Variants in DCBLD1 observed in about 807,000 individuals in gnomAD.
The protein encoded by DCBLD1 is discoidin, CUB and LCCL domain-containing protein 1.
DCBLD1 carries 57 observed loss-of-function variants against 71.5 expected under a neutral mutation model. The observed-to-expected ratio is 0.80, with a 90% CI of 0.64 to 0.99. The LOEUF is 0.99. Ranked by LOEUF, DCBLD1 falls within the 50% of genes least tolerant of loss-of-function variation. DCBLD1 has a pLI of 0.00. For missense variants in DCBLD1, 891 were observed against 923.5 expected (o/e 0.96, Z 0.46); for synonymous variants, 380 against 363.8 (o/e 1.04, Z -0.51).
chr6:117,493,101 C>G (rs1777349383), intron 1 of DCBLD1, among the ~76,000 whole-genome samples: 2 of 151,990 alleles, frequency 1.3e-5, no homozygotes, highest in African/African-American at 4.8e-5. Context: ...AAAATTAAAC[C>G]ATACAAAATT....
chr6:117,559,672 A>G (rs1027353047), intron 14 of DCBLD1, among the ~76,000 whole-genome samples: 4 of 152,198 alleles, frequency 2.6e-5, no homozygotes, highest in Admixed American at 2.0e-4. Flanking sequence ...AATATTCAGC[A>G]CCAACAGTGC....
At chr6:117,501,990 C>T (rs922597816) in intron 1 of DCBLD1, among the ~76,000 whole-genome samples, 3 of 152,124 alleles carry the variant, frequency 2.0e-5, no homozygotes, top group Non-Finnish European at 4.4e-5. Flanking sequence ...ATAGTTCCCC[C>T]AAACCTGAGT....
intron 7 of DCBLD1, among the ~76,000 whole-genome samples, chr6:117,537,690 T>A (rs1446280475): frequency 5.5e-5 from 7 of 127,238 alleles, no homozygotes; most frequent in South Asian, 2.6e-4. Context: ...TTTTTTTTTT[T>A]AAGGAGGCAG....
At chr6:117,513,922 C>T (rs1157140812) in intron 2 of DCBLD1, among the ~76,000 whole-genome samples, 1 of 151,982 alleles carries the variant, frequency 6.6e-6, no homozygotes, top group Non-Finnish European at 1.5e-5. Flanking sequence ...AGAGTACCAA[C>T]AGTGAAGTAT....
chr6:117,545,075 A>AGG (rs911831182), intron 13 of DCBLD1, among the ~76,000 whole-genome samples: 3 of 151,226 alleles, frequency 2.0e-5, no homozygotes, highest in African/African-American at 7.3e-5. Context: ...GTCCAGAGAG[A>AGG]GAGGGCAGTG....
intron 14 of DCBLD1, among the ~76,000 whole-genome samples, chr6:117,565,180 C>T (rs376826003): frequency 2.0e-5 from 3 of 152,112 alleles, no homozygotes; most frequent in East Asian, 1.9e-4. Flanking sequence ...CAAAAAAATT[C>T]TAGTTAGAAG....
chr6:117,541,781 C>T (rs1299016106), intron 11 of DCBLD1, among the ~76,000 whole-genome samples: 1 of 152,074 alleles, frequency 6.6e-6, no homozygotes, highest in Non-Finnish European at 1.5e-5. Context: ...AACTTTAAGA[C>T]AAAAATGGTA....
At chr6:117,527,936 G>A (rs541537751) in intron 5 of DCBLD1, among the ~76,000 whole-genome samples, 25 of 152,258 alleles carry the variant, frequency 1.6e-4, no homozygotes, top group Admixed American at 4.6e-4. Context: ...TGCCTCACCT[G>A]CCCCCAGAAC....
chr6:117,556,598 C>T (rs1453369564), intron 14 of DCBLD1, among the ~76,000 whole-genome samples: 1 of 152,212 alleles, frequency 6.6e-6, no homozygotes, highest in East Asian at 1.9e-4. Flanking sequence ...ATATTTACCA[C>T]ATTTTCTTTA....
At chr6:117,551,330 C>T (rs1055550114), downstream of DCBLD1, among the ~76,000 whole-genome samples, 7 of 151,964 alleles carry the variant, frequency 4.6e-5, no homozygotes, top group Non-Finnish European at 1.5e-5. Context: ...TAGAGCTTCT[C>T]ATCCTATCTT....
chr6:117,542,118 C>A (rs977626365), intron 11 of DCBLD1, among the ~76,000 whole-genome samples: 2 of 152,062 alleles, frequency 1.3e-5, no homozygotes, highest in Admixed American at 6.5e-5. Context: ...CATGGTGAAA[C>A]CCCGTCTCTA....
chr6:117,542,999 CAT>C (rs1372036906), intron 11 of DCBLD1, 123 bp from the exon 12 acceptor site: 1 of 782,544 alleles, frequency 1.3e-6, no homozygotes, highest in Non-Finnish European at 2.2e-6. Context: ...AAATGCCTAA[CAT>C]GTATTCATTT....
intron 1 of DCBLD1, among the ~76,000 whole-genome samples, chr6:117,502,713 C>T (rs1373140199): frequency 6.6e-6 from 1 of 152,006 alleles, no homozygotes; most frequent in Non-Finnish European, 1.5e-5. Flanking sequence ...CTGCTTCTCT[C>T]CCTCCAGCTG....
Position 117,532,284 on chromosome 6 carries a change from A to C in DCBLD1, c.610A>C (p.Ile204Leu). 6.2e-7 allele frequency: 1 copy of C among 1,612,248 alleles called. No homozygotes were observed. The highest frequency in any genetic ancestry group is 8.5e-7 in the Non-Finnish European group (1 of 1,179,506). Reference protein sequence around the residue: ...RDTSLLCKAAIHAGIIADELG... With the variant: ...RDTSLLCKAALHAGIIADELG... ...GACCTCTTTATTGTGCAAAGCTGCC[A>C]TCCATGCAGGAATAATTGCTGATGA... Residue 204 changes from isoleucine (I) to leucine (L), a missense_variant, in exon 6 of 15, where the codon ATC (isoleucine) becomes CTC (leucine). Physicochemically the swap from Ile to Leu is conservative, Grantham distance 5 (BLOSUM62 2). Coordinates refer to ENST00000338728, the MANE Select transcript of DCBLD1 (RefSeq NM_001366458.2).
intron 6 of DCBLD1, among the ~76,000 whole-genome samples, chr6:117,534,913 G>A (rs1241808141): frequency 6.6e-6 from 1 of 151,868 alleles, no homozygotes; most frequent in African/African-American, 2.4e-5. Context: ...TTTTATTTTG[G>A]GGGGAGTAGA....
At chr6:117,565,481 T>A (rs1583048735) in intron 14 of DCBLD1, among the ~76,000 whole-genome samples, 1 of 152,230 alleles carries the variant, frequency 6.6e-6, no homozygotes. Context: ...GCATTTTGAA[T>A]GGATCTTTTC....
chr6:117,505,807 T>C (rs981491800), intron 2 of DCBLD1, among the ~76,000 whole-genome samples: 5 of 151,916 alleles, frequency 3.3e-5, no homozygotes, highest in African/African-American at 1.2e-4. Context: ...CATCTCTACA[T>C]TGTAAGAGAA....
chr6:117,504,185 G>T (rs1253190179), intron 2 of DCBLD1, among the ~76,000 whole-genome samples: 1 of 152,212 alleles, frequency 6.6e-6, no homozygotes, highest in East Asian at 1.9e-4. Context: ...AGCCTTGTGT[G>T]TGTGTCTCAG....
intron 1 of DCBLD1, among the ~76,000 whole-genome samples, chr6:117,490,455 A>G (rs961501861): frequency 6.6e-6 from 1 of 152,186 alleles, no homozygotes; most frequent in African/African-American, 2.4e-5. Context: ...GTCCAGGCCA[A>G]CTTATAATTG....
Sources: gnomAD v4.1 joint callset for allele counts (sites outside exome capture counted in the v4.1 genomes callset) on GRCh38, gnomAD v4.1.1 for gene constraint, MANE v1.5 for transcripts, NCBI Gene and HGNC (gene_info 2026-07-23, HGNC 2026-07-21) for gene names.